The following CTNND2 variants were observed in gnomAD, a reference collection of about 807,000 sequenced individuals.
CTNND2 encodes catenin delta-2.
A neutral mutation model predicts 144.4 loss-of-function variants in CTNND2; 22 were observed. The observed-to-expected ratio is 0.15, with a 90% CI of 0.11 to 0.22. The LOEUF is 0.22. Ranked by LOEUF, CTNND2 falls within the 10% of genes least tolerant of loss-of-function variation. The probability of loss-of-function intolerance (pLI) is 1.00; values close to 1 mark genes in which losing one functional copy is unlikely to be tolerated. For missense variants in CTNND2, 1,353 were observed against 1,618.8 expected, an observed-to-expected ratio of 0.84 and a Z score of 2.82; for synonymous variants, 751 against 695.6, an observed-to-expected ratio of 1.08 and a Z score of -1.25.
Position 11,346,441 on chromosome 5 carries a change from C to A in CTNND2, c.1559G>T (p.Gly520Val), listed in dbSNP as rs1754788175. The A allele has an allele frequency of 1.2e-5, 19 of 1,564,736 alleles. No individual in the cohort carries two copies. The highest frequency in any genetic ancestry group is 1.6e-5 in the Non-Finnish European group (19 of 1,152,372). ...PSVESPYSKSGPALPPEGTLA... is the reference protein window; with the variant it reads ...PSVESPYSKSVPALPPEGTLA... ...GGTGCCTTCAGGCGGGAGAGCAGGG[C>A]CGGATTTGCTGTATGGAGACTCAAC... The change falls in exon 9 of 22, where the codon GGC becomes GTC. Residue 520 changes from glycine (G) to valine (V), a missense_variant. This residue lies in a region of CTNND2 where 708 missense variants were observed against 706.4 expected (regional missense o/e 1.00). Transcript: ENST00000304623.
intron 1 of CTNND2, among the ~76,000 whole-genome samples, chr5:11,762,274 G>A (rs1789309060): frequency 1.3e-5 from 2 of 152,088 alleles, no homozygotes; most frequent in Non-Finnish European, 2.9e-5. Flanking sequence ...CTTATAAATG[G>A]GAGGGTAATG....
At chr5:11,332,074 G>A (rs1392585306) in intron 9 of CTNND2, among the ~76,000 whole-genome samples, 2 of 151,914 alleles carry the variant, frequency 1.3e-5, no homozygotes, top group African/African-American at 2.4e-5. Flanking sequence ...TCGGGAGTTC[G>A]AGAGCAGCCT....
intron 15 of CTNND2, among the ~76,000 whole-genome samples, chr5:11,089,995 C>A (rs56019830): frequency 6.6e-6 from 1 of 151,912 alleles, no homozygotes. Flanking sequence ...GGTGACAGAA[C>A]GAAACTCTGT....
intron 21 of CTNND2, among the ~76,000 whole-genome samples, chr5:10,979,761 C>T (rs1283819977): frequency 6.6e-6 from 1 of 152,166 alleles, no homozygotes; most frequent in Non-Finnish European, 1.5e-5. Flanking sequence ...ACATCTACAA[C>T]CATCTGATCT....
chr5:11,639,647 T>G (rs557855367), intron 2 of CTNND2, among the ~76,000 whole-genome samples: 1 of 152,312 alleles, frequency 6.6e-6, no homozygotes, highest in South Asian at 2.1e-4. Flanking sequence ...TACTAGAACC[T>G]CTAAGAGGCT....
At chr5:11,571,671 A>G (rs1390530857) in intron 2 of CTNND2, among the ~76,000 whole-genome samples, 1 of 151,722 alleles carries the variant, frequency 6.6e-6, no homozygotes, top group Non-Finnish European at 1.5e-5. Context: ...ATGCACCCAC[A>G]CCCCGCACCT....
intron 10 of CTNND2, among the ~76,000 whole-genome samples, chr5:11,234,204 GACACAGGCACACACACAGAC>G: frequency 1.3e-5 from 2 of 152,010 alleles, no homozygotes; most frequent in East Asian, 3.9e-4. Context: ...TGCACACAGA[GACACAGGCACACACACAGAC>G]ACATGTACAC....
chr5:11,703,479 T>C (rs950670817), intron 2 of CTNND2, among the ~76,000 whole-genome samples: 7 of 152,134 alleles, frequency 4.6e-5, no homozygotes, highest in African/African-American at 1.7e-4. Context: ...ACACAGAGAG[T>C]AGGGCTACAC....
chr5:11,543,042 CA>C (rs1260060049), intron 3 of CTNND2, among the ~76,000 whole-genome samples: 2 of 152,346 alleles, frequency 1.3e-5, no homozygotes, highest in African/African-American at 4.8e-5. Context: ...CCAGGAACAA[CA>C]AACGAGAGTA....
At chr5:11,542,891 G>A (rs1352978644) in intron 3 of CTNND2, among the ~76,000 whole-genome samples, 1 of 152,180 alleles carries the variant, frequency 6.6e-6, no homozygotes, top group East Asian at 1.9e-4. Context: ...GGAGTGCACA[G>A]GATGTCCCTG....
rs529074725 is a variant in CTNND2 at position 11,276,316 on chromosome 5, C to A, written c.1629-39493G>T. 2.0e-5 allele frequency among the ~76,000 whole-genome samples: 3 copies of A among 152,258 alleles called. No homozygotes were observed. The South Asian group carries it at 6.2e-4, about 32-fold the overall frequency. ...AAGGAGGGAAATAGATGAAGATGGG[C>A]AGAGAACAGATGTGAGCACTGTGTC... On this transcript the variant is annotated intron_variant, in intron 9 of 21. Coordinates refer to ENST00000304623, the MANE Select transcript of CTNND2 (RefSeq NM_001332.4).
At position 11,422,034 on chromosome 5, in the gene CTNND2, CA is replaced by C. The variant is rs368658977; in HGVS notation, c.288-9966del. Among the ~76,000 whole-genome samples, 7 of 152,276 alleles carry C rather than the reference CA, an allele frequency of 4.6e-5. No homozygotes were observed. In the East Asian group the frequency reaches 1.2e-3, roughly 25 times the overall value. On this transcript the variant is annotated intron_variant, in intron 3 of 21. Transcript: ENST00000304623. Reference sequence around the variant, plus strand: ...CTGCCCCCGCACTCCAGCCGCCCAACAAAAGTTAAGCTATCATTACCACATA... The same window carrying C: ...CTGCCCCCGCACTCCAGCCGCCCAACAAAGTTAAGCTATCATTACCACATA...
At chr5:11,576,217 C>T (rs1777960191) in intron 2 of CTNND2, among the ~76,000 whole-genome samples, 1 of 152,072 alleles carries the variant, frequency 6.6e-6, no homozygotes, top group African/African-American at 2.4e-5. Context: ...TTGCCCTGTT[C>T]ATACTTGCTT....
At chr5:11,844,943 G>GAGGGGGGC (rs1794659249) in intron 1 of CTNND2, among the ~76,000 whole-genome samples, 1 of 152,134 alleles carries the variant, frequency 6.6e-6, no homozygotes, top group South Asian at 2.1e-4. Flanking sequence ...CTGACTGGCG[G>GAGGGGGGC]AGGGGGGCAG....
intron 9 of CTNND2, among the ~76,000 whole-genome samples, chr5:11,312,523 G>T (rs939697997): frequency 6.6e-6 from 1 of 152,064 alleles, no homozygotes; most frequent in African/African-American, 2.4e-5. Flanking sequence ...CACGAGAATA[G>T]GATGGGAAAG....
At chr5:11,083,909 A>C (rs756796967) in intron 15 of CTNND2, 6 of 1,147,660 alleles carry the variant, frequency 5.2e-6, no homozygotes, top group Non-Finnish European at 6.6e-6. Flanking sequence ...CCCCTCTGGC[A>C]GTGAACGTAG....
rs1581230347 is a variant in CTNND2, at chr5:11,453,601, G to C, written c.288-41532C>G. 2.0e-5 allele frequency among the ~76,000 whole-genome samples: 3 copies of C among 152,126 alleles called. No individual in the cohort carries two copies. The South Asian group carries it at 6.2e-4, about 32-fold the overall frequency. The stretch of plus-strand genomic sequence containing the variant: ...GAATCATTAATGACAAATCAGAAGA[G>C]ATTTCTATCTGAAAGTCTCCATTTT... On this transcript the variant is annotated intron_variant, in intron 3 of 21. Transcript: ENST00000304623.
In CTNND2 at chr5:10,972,788, T is replaced by G. The variant is rs549099621; in HGVS notation, c.*665A>C. Reference sequence around the variant, plus strand: ...TCCTTTTTTCCTGCTTTTTTTTTTTTTTGTTAAAACATACTGGGAGAAAGT... The same window carrying G: ...TCCTTTTTTCCTGCTTTTTTTTTTTGTTGTTAAAACATACTGGGAGAAAGT... On this transcript the variant is annotated 3_prime_UTR_variant, in exon 22 of 22. Transcript: ENST00000304623. The G allele has an allele frequency of 1.3e-4, 20 of 152,664 alleles. No homozygotes were observed. In the East Asian group the frequency reaches 3.7e-3, roughly 28 times the overall value. 9.5% of individuals were successfully genotyped at this position (152,664 alleles called of 1,614,324 possible). A position where few individuals can be genotyped will look rare whatever the true frequency, so the allele number is the denominator to read the frequency against.
At chr5:11,352,087 G>C (rs1382931249) in intron 8 of CTNND2, among the ~76,000 whole-genome samples, 1 of 152,150 alleles carries the variant, frequency 6.6e-6, no homozygotes, top group Non-Finnish European at 1.5e-5. Context: ...AAATACTCAA[G>C]GGTAAATTTG....
Sources: gnomAD v4.1 joint callset for allele counts (sites outside exome capture counted in the v4.1 genomes callset) on GRCh38, gnomAD v4.1.1 for gene constraint, gnomAD v4.1.1 regional missense constraint, MANE v1.5 for transcripts, NCBI Gene and HGNC (gene_info 2026-07-23, HGNC 2026-07-21) for gene names.